Variants in CNTNAP2 observed in about 807,000 individuals in gnomAD.
CNTNAP2 encodes contactin-associated protein-like 2.
CNTNAP2 carries 98 observed loss-of-function variants against 155.2 expected under a neutral mutation model. The ratio of observed to expected loss-of-function variants is 0.63; its 90% CI spans 0.54 to 0.75. CNTNAP2 has a LOEUF of 0.75. CNTNAP2 is among the 30% of genes least tolerant of loss of function. The probability of loss-of-function intolerance (pLI) is 0.00; values close to 1 mark genes in which losing one functional copy is unlikely to be tolerated. For missense variants in CNTNAP2, 1,727 were observed against 1,688.1 expected, an observed-to-expected ratio of 1.02 and a Z score of -0.40; for synonymous variants, 651 against 631.2, an observed-to-expected ratio of 1.03 and a Z score of -0.47.
intron 19 of CNTNAP2, among the ~76,000 whole-genome samples, chr7:148,227,542 G>A (rs1181717546): frequency 6.6e-6 from 1 of 152,174 alleles, no homozygotes; most frequent in Non-Finnish European, 1.5e-5. Context: ...TCTGTGTGGA[G>A]CTGCCTCAGC....
At chr7:147,841,095 AT>A (rs991180332) in intron 13 of CNTNAP2, among the ~76,000 whole-genome samples, 1 of 152,106 alleles carries the variant, frequency 6.6e-6, no homozygotes, top group Non-Finnish European at 1.5e-5. Context: ...ACTGTAGTAA[AT>A]TTTCACCCCC....
intron 1 of CNTNAP2, among the ~76,000 whole-genome samples, chr7:146,521,618 T>TG: frequency 6.6e-6 from 1 of 152,002 alleles, no homozygotes; most frequent in African/African-American, 2.4e-5. Flanking sequence ...AACACCAGAA[T>TG]TTTTGTATTT....
chr7:146,156,418 G>T (rs1798127232), intron 1 of CNTNAP2, among the ~76,000 whole-genome samples: 1 of 152,148 alleles, frequency 6.6e-6, no homozygotes, highest in Non-Finnish European at 1.5e-5. Flanking sequence ...TACATGTGAT[G>T]AGGAATGGCA....
intron 2 of CNTNAP2, among the ~76,000 whole-genome samples, chr7:146,838,849 T>A (rs1803666670): frequency 6.6e-6 from 1 of 152,164 alleles, no homozygotes; most frequent in African/African-American, 2.4e-5. Context: ...TATTGAATAT[T>A]TTTATATCAT....
chr7:147,062,127 C>CAAAAAAAAAAAAAAAAAAAAAAA (rs869125044), intron 4 of CNTNAP2, among the ~76,000 whole-genome samples: 1 of 44,930 alleles, frequency 2.2e-5, no homozygotes, highest in Non-Finnish European at 3.7e-5. Flanking sequence ...GACTCCGTCT[C>CAAAAAAAAAAAAAAAAAAAAAAA]AAAAAAAAAA....
chr7:148,339,427 C>T (rs1177928), intron 21 of CNTNAP2: 117,317 of 152,276 alleles, frequency 0.77, 45,342 homozygotes, highest in East Asian at 0.86. Context: ...AGCGCTCCAC[C>T]CCGGGTTTTG....
At chr7:147,209,852 T>C (rs1318473935) in intron 8 of CNTNAP2, among the ~76,000 whole-genome samples, 1 of 152,062 alleles carries the variant, frequency 6.6e-6, no homozygotes, top group Non-Finnish European at 1.5e-5. Flanking sequence ...CACACACTTT[T>C]TGCTTTTAAT....
At chr7:146,493,201 T>G (rs1368410408) in intron 1 of CNTNAP2, among the ~76,000 whole-genome samples, 1 of 152,186 alleles carries the variant, frequency 6.6e-6, no homozygotes, top group Non-Finnish European at 1.5e-5. Flanking sequence ...TAAGTCAAAA[T>G]TGATTTTAGC....
intron 13 of CNTNAP2, among the ~76,000 whole-genome samples, chr7:147,687,981 G>A (rs1442794013): frequency 3.5e-4 from 54 of 152,166 alleles, no homozygotes; most frequent in Non-Finnish European, 1.5e-4. Context: ...TCTTATGTTG[G>A]GAAATTTTAA....
intron 21 of CNTNAP2, among the ~76,000 whole-genome samples, chr7:148,287,484 A>G (rs1797103675): frequency 6.6e-6 from 1 of 152,206 alleles, no homozygotes; most frequent in Non-Finnish European, 1.5e-5. Context: ...ATTTCATGCC[A>G]TGTGACCCAT....
At chr7:147,731,034 A>C (rs1584924931) in intron 13 of CNTNAP2, among the ~76,000 whole-genome samples, 1 of 152,110 alleles carries the variant, frequency 6.6e-6, no homozygotes, top group African/African-American at 2.4e-5. Flanking sequence ...GCAGAAGAAA[A>C]ATTTGAAGCT....
At chr7:148,049,522 G>A (rs911325142) in intron 15 of CNTNAP2, among the ~76,000 whole-genome samples, 2 of 152,088 alleles carry the variant, frequency 1.3e-5, no homozygotes, top group African/African-American at 4.8e-5. Context: ...TGAATGTAAC[G>A]AGATAGGCTG....
At chr7:148,234,192 A>C (rs1796010830) in intron 20 of CNTNAP2, among the ~76,000 whole-genome samples, 1 of 152,184 alleles carries the variant, frequency 6.6e-6, no homozygotes, top group African/African-American at 2.4e-5. Context: ...AACCTGCCCA[A>C]AGTTAGAAAG....
At chr7:147,701,115 G>C (rs1796230673) in intron 13 of CNTNAP2, among the ~76,000 whole-genome samples, 1 of 152,136 alleles carries the variant, frequency 6.6e-6, no homozygotes, top group Admixed American at 6.6e-5. Flanking sequence ...TAACTCCTTA[G>C]AGATGCATTT....
chr7:147,891,896 A>C (rs1799701625), intron 13 of CNTNAP2, among the ~76,000 whole-genome samples: 1 of 152,224 alleles, frequency 6.6e-6, no homozygotes, highest in Admixed American at 6.5e-5. Context: ...TCATTCATGA[A>C]TACAGTGGCA....
Position 147,150,197 on chromosome 7 carries a change from C to T in CNTNAP2, c.1348+17688C>T, listed in dbSNP as rs1801797410. On this transcript the variant is annotated intron_variant, in intron 8 of 23. Coordinates refer to ENST00000361727, the MANE Select transcript of CNTNAP2 (RefSeq NM_014141.6). Reference sequence around the variant, plus strand: ...TGAGGATGGCATTGGTATTGGAAGCCATAGATTATTTACTAAGTAAGAACA... The same window carrying T: ...TGAGGATGGCATTGGTATTGGAAGCTATAGATTATTTACTAAGTAAGAACA... Among the ~76,000 whole-genome samples the T allele has an allele frequency of 2.6e-5, 4 of 151,990 alleles. No homozygotes were observed. The South Asian group carries it at 8.3e-4, about 32-fold the overall frequency.
At chr7:147,011,418 CAAAAAAAAAAAAAAAA>C (rs759844476) in intron 3 of CNTNAP2, among the ~76,000 whole-genome samples, 1 of 13,258 alleles carries the variant, frequency 7.5e-5, no homozygotes, top group Non-Finnish European at 1.8e-4. Flanking sequence ...CACTCCATCT[CAAAAAAAAAAAAAAAA>C]AAAAAAAAAA....
chr7:146,169,662 G>A (rs532348268), intron 1 of CNTNAP2, among the ~76,000 whole-genome samples: 3 of 147,262 alleles, frequency 2.0e-5, no homozygotes, highest in African/African-American at 7.7e-5. Context: ...CCCTTCTTCT[G>A]TTGCTGTGAT....
chr7:148,047,656 G>C (rs1355865514), intron 15 of CNTNAP2, among the ~76,000 whole-genome samples: 1 of 152,246 alleles, frequency 6.6e-6, no homozygotes, highest in African/African-American at 2.4e-5. Flanking sequence ...TTCTACATCA[G>C]TAGGGATCAT....
Sources: allele counts gnomAD v4.1 joint callset (sites outside exome capture counted in the v4.1 genomes callset), GRCh38; gene constraint gnomAD v4.1.1; transcripts MANE v1.5; gene names NCBI Gene and HGNC (gene_info 2026-07-23, HGNC 2026-07-21).